Variants in PARL observed in about 807,000 individuals in gnomAD.
The protein encoded by PARL is presenilin associated rhomboid like.
A neutral mutation model predicts 51.6 loss-of-function variants in PARL; 44 were observed. The ratio of observed to expected loss-of-function variants is 0.85; its 90% CI spans 0.67 to 1.10. The LOEUF is 1.10. Among genes scored for constraint, PARL ranks in the 50% least tolerant of loss-of-function variants. The probability of loss-of-function intolerance (pLI) is 0.00; values close to 1 mark genes in which losing one functional copy is unlikely to be tolerated. For missense variants in PARL, 441 were observed against 469.5 expected, an observed-to-expected ratio of 0.94 and a Z score of 0.56; for synonymous variants, 172 against 164.0, an observed-to-expected ratio of 1.05 and a Z score of -0.37.
intron 5 of PARL, chr3:183,843,271 A>G (rs1475845762): frequency 1.3e-5 from 13 of 985,432 alleles, no homozygotes; most frequent in Non-Finnish European, 1.6e-5. Flanking sequence ...TCTCAGTTCA[A>G]TGAAAGCAAC....
intron 4 of PARL, among the ~76,000 whole-genome samples, chr3:183,850,491 CAAGTA>C (rs1730426215): frequency 1.3e-5 from 2 of 152,198 alleles, no homozygotes; most frequent in African/African-American, 4.8e-5. Flanking sequence ...GACCCTATTT[CAAGTA>C]AAGTAACATT....
chr3:183,834,124 T>TA (rs905595917), intron 7 of PARL, among the ~76,000 whole-genome samples: 8 of 152,230 alleles, frequency 5.3e-5, no homozygotes, highest in African/African-American at 1.9e-4. Flanking sequence ...ACCTATGGCC[T>TA]AGGAAAGAAC....
chr3:183,839,741 T>A (rs542882824), intron 7 of PARL, among the ~76,000 whole-genome samples: 81 of 136,798 alleles, frequency 5.9e-4, no homozygotes, highest in South Asian at 1.2e-3. Context: ...TAAAAAAAAA[T>A]TTTTTTTTTG....
chr3:183,826,731 T>G, downstream of PARL: 1 of 985,298 alleles, frequency 1.0e-6, no homozygotes, highest in Non-Finnish European at 1.2e-6. Flanking sequence ...TAGAGGGAGA[T>G]CCTGGAAAAT....
chr3:183,848,175 G>C (rs1387624638), intron 4 of PARL, among the ~76,000 whole-genome samples: 2 of 152,168 alleles, frequency 1.3e-5, no homozygotes, highest in African/African-American at 4.8e-5. Context: ...AGCAAACCAG[G>C]GTGTATTTAC....
At chr3:183,872,265 G>GTGGCACA (rs1274814865) in intron 1 of PARL, among the ~76,000 whole-genome samples, 1 of 152,114 alleles carries the variant, frequency 6.6e-6, no homozygotes, top group East Asian at 1.9e-4. Context: ...GCCTCCCAAA[G>GTGGCACA]TGCTGGGATT....
downstream of PARL, among the ~76,000 whole-genome samples, chr3:183,828,425 C>T (rs1727581409): frequency 6.6e-6 from 1 of 152,228 alleles, no homozygotes; most frequent in South Asian, 2.1e-4. Flanking sequence ...ACCACGTGTG[C>T]CGTTTCCTCG....
At chr3:183,835,058 C>CAAAAT (rs1001718110) in intron 7 of PARL, among the ~76,000 whole-genome samples, 14 of 150,062 alleles carry the variant, frequency 9.3e-5, no homozygotes, top group Non-Finnish European at 1.8e-4. Flanking sequence ...GACTCTGTCT[C>CAAAAT]AAAACAAAAC....
At chr3:183,883,970 G>A (rs991905136) in intron 1 of PARL, among the ~76,000 whole-genome samples, 1 of 152,180 alleles carries the variant, frequency 6.6e-6, no homozygotes, top group African/African-American at 2.4e-5. Context: ...AGGTGGATTC[G>A]AGGCACCCAT....
intron 1 of PARL, among the ~76,000 whole-genome samples, chr3:183,878,004 C>T (rs1037387505): frequency 5.7e-4 from 87 of 152,136 alleles, no homozygotes; most frequent in African/African-American, 1.9e-3. Flanking sequence ...TTGGTCAGGC[C>T]GGTCTCGAAC....
chr3:183,845,020 C>CA (rs1729784454), intron 4 of PARL, among the ~76,000 whole-genome samples: 1 of 152,154 alleles, frequency 6.6e-6, no homozygotes, highest in African/African-American at 2.4e-5. Context: ...CTACAAACTT[C>CA]AAAAAATATA....
At chr3:183,848,833 G>A (rs1177203116) in intron 4 of PARL, among the ~76,000 whole-genome samples, 1 of 152,162 alleles carries the variant, frequency 6.6e-6, no homozygotes, top group African/African-American at 2.4e-5. Context: ...AAAATCTTGA[G>A]GAAAAGCAGG....
chr3:183,840,171 C>T (rs1729121255), intron 7 of PARL, among the ~76,000 whole-genome samples: 1 of 152,202 alleles, frequency 6.6e-6, no homozygotes, highest in Non-Finnish European at 1.5e-5. Context: ...CAGGCTCTAG[C>T]ATAGCACCTA....
At position 183,863,946 on chromosome 3, in the gene PARL, GT is replaced by G. The variant is rs1732141510; in HGVS notation, c.463-1146del. The stretch of plus-strand genomic sequence containing the variant: ...TCTTTAAATGAAGATTATGTATACT[GT>G]TTGTATCATTTTTCACCATTCTCAA... On this transcript the variant is annotated intron_variant, in intron 3 of 9. Transcript: ENST00000317096. Among the ~76,000 whole-genome samples, 3 of 152,220 alleles carry G rather than the reference GT, an allele frequency of 2.0e-5. No individual in the cohort carries two copies. The South Asian group carries it at 6.2e-4, about 32-fold the overall frequency.
At chr3:183,878,600 T>C (rs145024905) in intron 1 of PARL, among the ~76,000 whole-genome samples, 128 of 152,258 alleles carry the variant, frequency 8.4e-4, no homozygotes, top group Admixed American at 2.4e-3. Flanking sequence ...AAGGCCTTAG[T>C]AGTTGTAAGA....
chr3:183,852,498 G>T (rs73177525), intron 4 of PARL, among the ~76,000 whole-genome samples: 1 of 151,916 alleles, frequency 6.6e-6, no homozygotes, highest in Non-Finnish European at 1.5e-5. Context: ...TGAGGGGAGG[G>T]GGTAATAGGG....
chr3:183,873,377 A>ATG (rs1277804503), intron 1 of PARL, among the ~76,000 whole-genome samples: 13 of 152,106 alleles, frequency 8.5e-5, no homozygotes, highest in South Asian at 2.1e-4. Flanking sequence ...GTGGTGGCGC[A>ATG]CGCCTGTATT....
chr3:183,837,781 A>G (rs1728807696), intron 7 of PARL, among the ~76,000 whole-genome samples: 1 of 152,188 alleles, frequency 6.6e-6, no homozygotes, highest in East Asian at 1.9e-4. Flanking sequence ...AAAATCACTC[A>G]TCATATCAAG....
chr3:183,846,311 T>C (rs12633272), intron 4 of PARL, among the ~76,000 whole-genome samples: 7,542 of 151,950 alleles, frequency 0.05, 221 homozygotes, highest in East Asian at 0.079. Flanking sequence ...CTGACCAACA[T>C]GAAGAAACCT....
Sources: gnomAD v4.1 joint callset for allele counts (sites outside exome capture counted in the v4.1 genomes callset) on GRCh38, gnomAD v4.1.1 for gene constraint, MANE v1.5 for transcripts, NCBI Gene and HGNC (gene_info 2026-07-23, HGNC 2026-07-21) for gene names.